The following STK32B variants were observed in gnomAD, a reference collection of about 807,000 sequenced individuals.
STK32B encodes serine/threonine-protein kinase 32B.
A neutral mutation model predicts 52.6 loss-of-function variants in STK32B; 43 were observed. The ratio of observed to expected loss-of-function variants is 0.82; its 90% CI spans 0.64 to 1.05. The LOEUF (loss-of-function observed/expected upper bound fraction) is 1.05. Ranked by LOEUF, STK32B falls within the 50% of genes least tolerant of loss-of-function variation. The pLI is 0.00. For synonymous variants in STK32B, 238 were observed against 204.3 expected (o/e 1.17, Z -1.41); for missense variants, 621 against 534.6 (o/e 1.16, Z -1.59).
At chr4:5,397,895 G>T (rs1487063524) in intron 4 of STK32B, among the ~76,000 whole-genome samples, 1 of 152,226 alleles carries the variant, frequency 6.6e-6, no homozygotes, top group Non-Finnish European at 1.5e-5. Context: ...CCCCTTGCTG[G>T]TGCTGATCAC....
At chr4:5,104,564 A>G (rs1200675170) in intron 1 of STK32B, among the ~76,000 whole-genome samples, 2 of 152,254 alleles carry the variant, frequency 1.3e-5, no homozygotes, top group African/African-American at 2.4e-5. Context: ...AGCAAAGTGC[A>G]TAAGGCATAA....
At chr4:5,280,493 C>T (rs1038978792) in intron 3 of STK32B, among the ~76,000 whole-genome samples, 1 of 152,194 alleles carries the variant, frequency 6.6e-6, no homozygotes, top group East Asian at 1.9e-4. Flanking sequence ...GTAAACTCTT[C>T]CCATTTTGCA....
intron 1 of STK32B, among the ~76,000 whole-genome samples, chr4:5,087,574 T>TGA (rs1356602269): frequency 0.039 from 5,933 of 151,838 alleles, 372 homozygotes; most frequent in African/African-American, 0.13. Flanking sequence ...GGACAAATAA[T>TGA]TTGATAGATA....
At chr4:5,276,505 G>T (rs867320297) in intron 3 of STK32B, among the ~76,000 whole-genome samples, 22 of 151,994 alleles carry the variant, frequency 1.4e-4, no homozygotes, top group Admixed American at 2.6e-4. Context: ...TGTCTCTTAT[G>T]TCAAATCCTG....
At position 5,273,999 on chromosome 4, in the gene STK32B, A is replaced by C. The variant is rs538922857; in HGVS notation, c.261-57221A>C. Among the ~76,000 whole-genome samples the C allele has an allele frequency of 9.7e-4, 148 of 152,050 alleles. 1 individual carries two copies. The highest frequency in any genetic ancestry group is 3.5e-3 in the African/African-American group (144 of 41,484). On this transcript the variant is annotated intron_variant, in intron 3 of 11. Transcript: ENST00000282908. The stretch of plus-strand genomic sequence containing the variant: ...TAAAACTTAAAGTATAATAAAAAAA[A>C]AGAAACAAAAAAACAAAACAAACAA...
chr4:5,419,090 G>A (rs1282602032), intron 6 of STK32B, among the ~76,000 whole-genome samples: 3 of 152,120 alleles, frequency 2.0e-5, no homozygotes, highest in Non-Finnish European at 1.5e-5. Flanking sequence ...CTTTAGACTT[G>A]AGATCAAAAT....
chr4:5,266,869 C>T lies in STK32B; in HGVS notation c.261-64351C>T, dbSNP rs76929611. 3.9e-3 allele frequency among the ~76,000 whole-genome samples: 590 copies of T among 152,266 alleles called. 4 individuals are homozygous for T. The highest frequency in any genetic ancestry group is 0.013 in the African/African-American group (528 of 41,552). On this transcript the variant is annotated intron_variant, in intron 3 of 11. Transcript: ENST00000282908. ...TAGGGAAATGCCTGGTCAACTCCAA[C>T]ATCATTTTAAAGTTGCTCATAATTC...
At chr4:5,254,018 C>CTCGT (rs1313119806) in intron 3 of STK32B, among the ~76,000 whole-genome samples, 1 of 152,162 alleles carries the variant, frequency 6.6e-6, no homozygotes, top group African/African-American at 2.4e-5. Flanking sequence ...AACTCCTGAC[C>CTCGT]TCGTGATCCA....
chr4:5,189,431 C>A (rs772288031), intron 3 of STK32B, among the ~76,000 whole-genome samples: 1 of 152,192 alleles, frequency 6.6e-6, no homozygotes, highest in African/African-American at 2.4e-5. Flanking sequence ...AGATTGGCTT[C>A]TTTCACTTAG....
At chr4:5,261,193 T>C (rs945642581) in intron 3 of STK32B, among the ~76,000 whole-genome samples, 3 of 152,140 alleles carry the variant, frequency 2.0e-5, no homozygotes, top group African/African-American at 4.8e-5. Context: ...CTGGCCCTGC[T>C]CATGAAGGTG....
intron 4 of STK32B, among the ~76,000 whole-genome samples, chr4:5,352,389 C>T (rs1733883735): frequency 6.6e-6 from 1 of 151,956 alleles, no homozygotes; most frequent in African/African-American, 2.4e-5. Context: ...TGATAAAATT[C>T]AATATCCTTT....
chr4:5,052,356 T>C (rs1328262826), intron 1 of STK32B, among the ~76,000 whole-genome samples: 1 of 151,986 alleles, frequency 6.6e-6, no homozygotes, highest in African/African-American at 2.4e-5. Flanking sequence ...CCACGACGCA[T>C]TTGGTCTCGT....
intron 11 of STK32B, among the ~76,000 whole-genome samples, chr4:5,495,258 G>C (rs555439670): frequency 6.6e-6 from 1 of 152,208 alleles, no homozygotes; most frequent in Admixed American, 6.5e-5. Context: ...CATATTTCTT[G>C]GAGGCTTTGT....
At chr4:5,381,428 G>A (rs1560368406) in intron 4 of STK32B, among the ~76,000 whole-genome samples, 1 of 152,152 alleles carries the variant, frequency 6.6e-6, no homozygotes, top group Non-Finnish European at 1.5e-5. Context: ...CACCAACCAA[G>A]ACAGCAGCTG....
chr4:5,311,284 C>T (rs993118173), intron 3 of STK32B, among the ~76,000 whole-genome samples: 5 of 152,144 alleles, frequency 3.3e-5, no homozygotes, highest in Admixed American at 2.0e-4. Flanking sequence ...ATGCTAATTA[C>T]TCTGATTTTT....
In STK32B at chr4:5,139,950, GT is replaced by G; in HGVS notation, c.102del (p.Phe34LeufsTer18). On this transcript the variant is annotated frameshift_variant, in exon 2 of 12. Transcript: ENST00000282908. LOFTEE classifies it high-confidence loss of function. ...FQILRAIGKGSFGKVCIVQKR... is the reference protein window; with the variant it reads ...FQILRAIGKGXFGKVCIVQKR... Reference sequence around the variant, plus strand: ...ATTCTGCGGGCCATTGGTAAAGGGAGTTTTGGAAAGGTAAGAATATAAATGT... The same window carrying G: ...ATTCTGCGGGCCATTGGTAAAGGGAGTTTGGAAAGGTAAGAATATAAATGT... 1 of 1,614,166 alleles carries G rather than the reference GT, an allele frequency of 6.2e-7. No homozygotes were observed. Among genetic ancestry groups the G allele is most frequent in the Non-Finnish European group, 8.5e-7 (1 of 1,180,034 alleles).
rs1724321282 is a variant in STK32B, at chr4:5,232,227, T to C, written c.260+63777T>C. Among the ~76,000 whole-genome samples, 4 of 152,314 alleles carry C rather than the reference T, an allele frequency of 2.6e-5. No homozygotes were observed. In the Middle Eastern group the frequency reaches 0.014, roughly 518 times the overall value. ...AATGCAAAGGAAATCGATGATAGTC[T>C]ATTAGATAACATTATTGAAATATTT... is the stretch of plus-strand genomic sequence containing the variant. On this transcript the variant is annotated intron_variant, in intron 3 of 11. Coordinates refer to ENST00000282908, the MANE Select transcript of STK32B (RefSeq NM_018401.3).
chr4:5,325,282 C>T (rs1731799332), intron 3 of STK32B, among the ~76,000 whole-genome samples: 1 of 151,986 alleles, frequency 6.6e-6, no homozygotes, highest in Admixed American at 6.6e-5. Context: ...AGAAATTTCC[C>T]ACTGATTTCA....
chr4:5,373,771 C>T (rs1735401633), intron 4 of STK32B, among the ~76,000 whole-genome samples: 1 of 152,214 alleles, frequency 6.6e-6, no homozygotes, highest in South Asian at 2.1e-4. Flanking sequence ...GCCATTCTCA[C>T]TCCACACAGC....
Sources: allele counts gnomAD v4.1 joint callset (sites outside exome capture counted in the v4.1 genomes callset), GRCh38; gene constraint gnomAD v4.1.1; transcripts MANE v1.5; gene names NCBI Gene and HGNC (gene_info 2026-07-23, HGNC 2026-07-21).